Variants in IFT74 observed in about 807,000 individuals in gnomAD.
IFT74 encodes intraflagellar transport protein 74 homolog.
A neutral mutation model predicts 96.7 loss-of-function variants in IFT74; 92 were observed. The observed-to-expected ratio is 0.95, with a 90% CI of 0.80 to 1.13. The LOEUF (loss-of-function observed/expected upper bound fraction) is 1.13. IFT74 is among the 50% of genes most tolerant of loss of function. IFT74 has a pLI of 0.00. For synonymous variants in IFT74, 223 were observed against 213.2 expected, an observed-to-expected ratio of 1.05 and a Z score of -0.40; for missense variants, 811 against 698.2, an observed-to-expected ratio of 1.16 and a Z score of -1.82.
chr9:27,047,030 G>A (rs1452675598), intron 14 of IFT74, among the ~76,000 whole-genome samples: 1 of 152,078 alleles, frequency 6.6e-6, no homozygotes, highest in Non-Finnish European at 1.5e-5. Flanking sequence ...AAAATTAGCT[G>A]GGCGTGATGG....
chr9:26,989,724 G>T (rs1827786859), intron 7 of IFT74, among the ~76,000 whole-genome samples: 2 of 152,096 alleles, frequency 1.3e-5, no homozygotes, highest in East Asian at 3.9e-4. Context: ...GGCTGGGTGT[G>T]CACAGGTAGA....
At chr9:26,991,889 C>T (rs973712199) in intron 8 of IFT74, among the ~76,000 whole-genome samples, 3 of 152,008 alleles carry the variant, frequency 2.0e-5, no homozygotes, top group African/African-American at 7.2e-5. Context: ...ATTAGCTGGG[C>T]ATGGTGGCAC....
rs774488645 is a variant in IFT74, at chr9:27,009,133, A to G, written c.701A>G (p.Lys234Arg). ...FENQVKYLEM[K>R]TTNEKLLQEL... The stretch of plus-strand genomic sequence containing the variant: ...AACCAAGTCAAGTACCTAGAGATGA[A>G]AACCACAAATGAGAAACTGTTACAG... Residue 234 changes from lysine to arginine, a missense_variant, in exon 9 of 20, where the codon AAA (lysine) becomes AGA (arginine). Transcript: ENST00000380062. 6.2e-6 allele frequency: 10 copies of G among 1,613,082 alleles called. No individual in the cohort carries two copies. The Admixed American group carries it at 1.7e-4, about 27-fold the overall frequency.
chr9:27,057,857 CA>C (rs539713403), intron 18 of IFT74, among the ~76,000 whole-genome samples: 8 of 134,850 alleles, frequency 5.9e-5, no homozygotes, highest in African/African-American at 1.1e-4. Context: ...GACTCTGTCT[CA>C]AAAAAAAAAC....
chr9:26,962,962 T>C (rs894678759), intron 2 of IFT74, among the ~76,000 whole-genome samples: 1 of 151,918 alleles, frequency 6.6e-6, no homozygotes, highest in Non-Finnish European at 1.5e-5. Context: ...TTTTTATTTT[T>C]ATTTTTTTGT....
intron 8 of IFT74, among the ~76,000 whole-genome samples, chr9:26,990,447 C>A (rs1327506644): frequency 6.6e-6 from 1 of 152,170 alleles, no homozygotes. Context: ...CAGCTGAACA[C>A]TTATGATGGA....
intron 4 of IFT74, chr9:26,983,866 C>T (rs1473189927): frequency 6.6e-6 from 1 of 151,760 alleles, no homozygotes; most frequent in South Asian, 2.0e-4. Flanking sequence ...TCACTACAGT[C>T]TCCACCTCCC....
chr9:27,026,744 A>C (rs566764312), intron 12 of IFT74, among the ~76,000 whole-genome samples: 1 of 152,340 alleles, frequency 6.6e-6, no homozygotes, highest in South Asian at 2.1e-4. Context: ...CAATGAAATC[A>C]AGATGGAAAT....
At chr9:27,042,236 C>G (rs1242838100) in intron 13 of IFT74, among the ~76,000 whole-genome samples, 1 of 152,034 alleles carries the variant, frequency 6.6e-6, no homozygotes, top group Non-Finnish European at 1.5e-5. Context: ...TTTGACAGTT[C>G]TTAAACCACA....
At chr9:27,030,566 G>C (rs1180143092) in intron 13 of IFT74, among the ~76,000 whole-genome samples, 1 of 98,644 alleles carries the variant, frequency 1.0e-5, no homozygotes, top group Non-Finnish European at 2.2e-5. Flanking sequence ...AAAAAAAAAA[G>C]GGTACACTGT....
At chr9:26,996,529 A>G (rs200872303) in intron 8 of IFT74, 3 of 1,317,240 alleles carry the variant, frequency 2.3e-6, no homozygotes, top group East Asian at 2.7e-5. Context: ...AAGATTTAGT[A>G]TAGAGAAAAA....
chr9:27,012,740 A>C (rs1829158436), intron 10 of IFT74, among the ~76,000 whole-genome samples: 1 of 84,618 alleles, frequency 1.2e-5, no homozygotes, highest in African/African-American at 5.6e-5. Flanking sequence ...TTTTTTAGAC[A>C]GAGTATCGCT....
chr9:27,036,300 A>T, intron 13 of IFT74: 1 of 1,175,152 alleles, frequency 8.5e-7, no homozygotes, highest in South Asian at 1.7e-5. Flanking sequence ...TCAAGGGTCA[A>T]CTGTATTTCC....
intron 8 of IFT74, among the ~76,000 whole-genome samples, 191 bp from the exon 9 acceptor site, chr9:27,008,829 T>C (rs1350097344): frequency 6.6e-6 from 1 of 152,122 alleles, no homozygotes; most frequent in Non-Finnish European, 1.5e-5. Flanking sequence ...AAAAATAAGT[T>C]TGTGCTAATG....
Position 26,972,295 on chromosome 9 carries a change from C to T in IFT74, c.121-5833C>T, listed in dbSNP as rs117054219. ...TTAAGATAGTTCTAACTTGGTGGGG[C>T]GTGCTTACTGTCTATTTTCCTCCGA... On this transcript the variant is annotated intron_variant, in intron 2 of 19. Coordinates refer to ENST00000380062, the MANE Select transcript of IFT74 (RefSeq NM_025103.4). Among the ~76,000 whole-genome samples, 462 of 152,182 alleles carry T rather than the reference C, an allele frequency of 3.0e-3. 1 individual carries two copies. Among genetic ancestry groups the T allele is most frequent in the Non-Finnish European group, 5.1e-3 (346 of 67,996 alleles).
At chr9:27,021,736 T>A (rs1829613994) in intron 12 of IFT74, among the ~76,000 whole-genome samples, 1 of 152,202 alleles carries the variant, frequency 6.6e-6, no homozygotes, top group East Asian at 1.9e-4. Flanking sequence ...TATTAGCCCT[T>A]TGTCAGATGC....
chr9:27,058,500 C>T (rs1458035440), intron 18 of IFT74, among the ~76,000 whole-genome samples: 1 of 152,164 alleles, frequency 6.6e-6, no homozygotes, highest in Admixed American at 6.5e-5. Flanking sequence ...ATTCTCCTGC[C>T]TCAGCCTCCC....
Position 27,008,559 on chromosome 9 carries a change from C to T in IFT74, c.588-461C>T, listed in dbSNP as rs116419225. 4.6e-3 allele frequency among the ~76,000 whole-genome samples: 700 copies of T among 152,046 alleles called. 6 individuals are homozygous for T. The highest frequency in any genetic ancestry group is 0.015 in the African/African-American group (611 of 41,476). On this transcript the variant is annotated intron_variant, in intron 8 of 19. Coordinates refer to ENST00000380062, the MANE Select transcript of IFT74 (RefSeq NM_025103.4). Reference sequence around the variant, plus strand: ...CTTTTAGTAGAGATGGGTGTTTTGTCGTGTTGCCCAGGCTGGTCTCGACCT... The same window carrying T: ...CTTTTAGTAGAGATGGGTGTTTTGTTGTGTTGCCCAGGCTGGTCTCGACCT...
intron 1 of IFT74, among the ~76,000 whole-genome samples, chr9:26,957,518 A>T (rs888424058): frequency 6.6e-6 from 1 of 152,208 alleles, no homozygotes; most frequent in Non-Finnish European, 1.5e-5. Context: ...TAGTGGGGTC[A>T]GGAAGATTGA....
Sources: gnomAD v4.1 joint callset for allele counts (sites outside exome capture counted in the v4.1 genomes callset) on GRCh38, gnomAD v4.1.1 for gene constraint, MANE v1.5 for transcripts, NCBI Gene and HGNC (gene_info 2026-07-23, HGNC 2026-07-21) for gene names.